The following KLHL2 variants were observed in gnomAD, a reference collection of about 807,000 sequenced individuals.
KLHL2 encodes kelch like family member 2.
Under a neutral mutation model 75.8 loss-of-function variants are expected in KLHL2, and 15 were observed. The ratio of observed to expected loss-of-function variants is 0.20; its 90% CI spans 0.13 to 0.30. The LOEUF (loss-of-function observed/expected upper bound fraction) is 0.30, where lower values mean the gene tolerates loss of function less well. Among genes scored for constraint, KLHL2 ranks in the 10% least tolerant of loss-of-function variants. The pLI, the probability that KLHL2 is intolerant of heterozygous loss-of-function variation, is 1.00. For synonymous variants in KLHL2, 214 were observed against 251.9 expected, an observed-to-expected ratio of 0.85 and a Z score of 1.42; for missense variants, 381 against 741.0, an observed-to-expected ratio of 0.51 and a Z score of 5.64.
intron 2 of KLHL2, among the ~76,000 whole-genome samples, chr4:165,228,449 C>G (rs1350433874): frequency 6.6e-6 from 1 of 151,294 alleles, no homozygotes; most frequent in African/African-American, 2.4e-5. Flanking sequence ...ATCTTCATGT[C>G]AGACTACACC....
At chr4:165,289,906 G>A (rs1334668803) in intron 5 of KLHL2, among the ~76,000 whole-genome samples, 1 of 152,144 alleles carries the variant, frequency 6.6e-6, no homozygotes, top group African/African-American at 2.4e-5. Flanking sequence ...CTCTTGCTTT[G>A]ATTCAGATTT....
Position 165,297,590 on chromosome 4 carries a change from C to A in KLHL2, c.655-19C>A. The A allele has an allele frequency of 7.0e-7, 1 of 1,421,766 alleles. No homozygotes were observed. Among genetic ancestry groups the A allele is most frequent in the Non-Finnish European group, 9.9e-7 (1 of 1,005,052 alleles). The allele number at this position is 1,421,766 out of a possible 1,614,324, so 88.1% of individuals were successfully genotyped here. A position where few individuals can be genotyped will look rare whatever the true frequency, so the allele number is the denominator to read the frequency against. On this transcript the variant is annotated intron_variant, in intron 6 of 14. Transcript: ENST00000226725. Reference sequence around the variant, plus strand: ...CACAACTCATTTCTTATTTTTTCTTCTCCTATATTTTCTGCAAGGTATTTG... The same window carrying A: ...CACAACTCATTTCTTATTTTTTCTTATCCTATATTTTCTGCAAGGTATTTG...
chr4:165,246,910 C>T (rs1354602192), intron 4 of KLHL2, among the ~76,000 whole-genome samples: 1 of 152,012 alleles, frequency 6.6e-6, no homozygotes, highest in Non-Finnish European at 1.5e-5. Context: ...AGAAAGCAAG[C>T]AAGCCAAAGA....
At chr4:165,264,748 A>ATATG (rs1742088216) in intron 5 of KLHL2, among the ~76,000 whole-genome samples, 1 of 76,068 alleles carries the variant, frequency 1.3e-5, no homozygotes, top group South Asian at 3.6e-4. Flanking sequence ...ATGTATATAT[A>ATATG]TATATATATA....
intron 14 of KLHL2, among the ~76,000 whole-genome samples, chr4:165,318,811 G>T (rs1746766070): frequency 2.0e-5 from 3 of 151,422 alleles, no homozygotes; most frequent in Admixed American, 2.0e-4. Context: ...TTGGAGATTG[G>T]TAACAGTTTG....
At chr4:165,309,211 T>C (rs1745960879) in intron 9 of KLHL2, among the ~76,000 whole-genome samples, 1 of 152,166 alleles carries the variant, frequency 6.6e-6, no homozygotes, top group African/African-American at 2.4e-5. Flanking sequence ...TTATTAAACC[T>C]GAAGTACACA....
intron 3 of KLHL2, among the ~76,000 whole-genome samples, chr4:165,233,536 T>C (rs1231681832): frequency 6.6e-6 from 1 of 152,182 alleles, no homozygotes; most frequent in Non-Finnish European, 1.5e-5. Context: ...CAGATTATTG[T>C]TTGAGTGACT....
intron 1 of KLHL2, among the ~76,000 whole-genome samples, chr4:165,214,755 CA>C (rs1737422149): frequency 6.6e-6 from 1 of 152,098 alleles, no homozygotes; most frequent in Admixed American, 6.6e-5. Flanking sequence ...TAAAGTTTGG[CA>C]ATTCAAGCTT....
intron 4 of KLHL2, among the ~76,000 whole-genome samples, chr4:165,245,444 GA>G (rs1330045021): frequency 1.3e-5 from 2 of 152,092 alleles, no homozygotes; most frequent in African/African-American, 4.8e-5. Flanking sequence ...GGCTAGTCTA[GA>G]AAGAGACTTG....
intron 14 of KLHL2, chr4:165,321,287 C>G: frequency 2.2e-6 from 1 of 456,146 alleles, no homozygotes; most frequent in Non-Finnish European, 4.4e-6. Context: ...CAAGACCAAC[C>G]TCTCCTCTTT....
chr4:165,298,708 G>A (rs1049684127), intron 7 of KLHL2, among the ~76,000 whole-genome samples: 4 of 152,060 alleles, frequency 2.6e-5, no homozygotes, highest in African/African-American at 9.7e-5. Flanking sequence ...TTAGGGAGGC[G>A]GAGGCAGGCA....
rs182529810 is a variant in KLHL2, at chr4:165,318,737, G to A, written c.1753+768G>A. Among the ~76,000 whole-genome samples the A allele has an allele frequency of 4.7e-3, 718 of 152,216 alleles. 6 individuals carry two copies. The highest frequency in any genetic ancestry group is 0.015 in the African/African-American group (606 of 41,542). ...TACAGTTGACCCTTGGACAACACAG[G>A]TTTGAACTGTGTATGTCCACTTACA... On this transcript the variant is annotated intron_variant, in intron 14 of 14. Transcript: ENST00000226725.
chr4:165,293,670 A>ATTT lies in KLHL2; in HGVS notation c.545-672_545-670dup, dbSNP rs35736944. On this transcript the variant is annotated intron_variant, in intron 5 of 14. Transcript: ENST00000226725. ...AGGTGTCCATCACCATGCCTGGCTA[A>ATTT]TTTTTTTTTTTTTTTTTTTGTATTT... is the stretch of plus-strand genomic sequence containing the variant. Among the ~76,000 whole-genome samples the ATTT allele has an allele frequency of 2.2e-3, 273 of 125,962 alleles. 4 individuals carry two copies. The highest frequency in any genetic ancestry group is 7.1e-3 in the African/African-American group (237 of 33,354). The allele number at this position is 125,962 out of a possible 152,430, so 82.6% of individuals were successfully genotyped here.
At chr4:165,225,408 C>T (rs1738352222) in intron 2 of KLHL2, among the ~76,000 whole-genome samples, 1 of 152,182 alleles carries the variant, frequency 6.6e-6, no homozygotes, top group African/African-American at 2.4e-5. Flanking sequence ...GGTAAGCTCA[C>T]ACAGTCCTTG....
rs1747032906 is a variant in KLHL2, at chr4:165,322,144, C to A, written c.*84C>A. 1.6e-6 allele frequency: 2 copies of A among 1,242,294 alleles called. No homozygotes were observed. The highest frequency in any genetic ancestry group is 1.2e-6 in the Non-Finnish European group (1 of 842,538). The allele number at this position is 1,242,294 out of a possible 1,614,324, so 77.0% of individuals were successfully genotyped here. A position where few individuals can be genotyped will look rare whatever the true frequency, so the allele number is the denominator to read the frequency against. On this transcript the variant is annotated 3_prime_UTR_variant, in exon 15 of 15. Coordinates refer to ENST00000226725, the MANE Select transcript of KLHL2 (RefSeq NM_007246.4). ...TGAAGTGACTGAGAATCTAGCACTT[C>A]TCCACTTGTAGCTGCACTTTAAGTC...
At chr4:165,313,527 A>G (rs1203894363) in intron 12 of KLHL2, among the ~76,000 whole-genome samples, 161 bp downstream of exon 12, 1 of 152,210 alleles carries the variant, frequency 6.6e-6, no homozygotes, top group Non-Finnish European at 1.5e-5. Flanking sequence ...TAATGGGAGT[A>G]ATTACAAAGT....
At chr4:165,303,414 C>A (rs115389776) in intron 8 of KLHL2, among the ~76,000 whole-genome samples, 2,078 of 148,154 alleles carry the variant, frequency 0.014, 41 homozygotes, top group African/African-American at 0.046. Context: ...GTCTCTTGGG[C>A]AGTTTTGAAG....
At chr4:165,299,320 T>C (rs1745169593) in intron 7 of KLHL2, among the ~76,000 whole-genome samples, 187 bp from the exon 8 acceptor site, 1 of 152,212 alleles carries the variant, frequency 6.6e-6, no homozygotes, top group Admixed American at 6.5e-5. Flanking sequence ...GCAGGCCAGA[T>C]ACTTGAGCAT....
At chr4:165,295,397 A>G (rs1470445115) in intron 6 of KLHL2, among the ~76,000 whole-genome samples, 4 of 152,238 alleles carry the variant, frequency 2.6e-5, no homozygotes, top group Admixed American at 2.6e-4. Flanking sequence ...TTAGCATCCT[A>G]GAAATACAGA....
Sources: allele counts gnomAD v4.1 joint callset (sites outside exome capture counted in the v4.1 genomes callset), GRCh38; gene constraint gnomAD v4.1.1; transcripts MANE v1.5; gene names NCBI Gene and HGNC (gene_info 2026-07-23, HGNC 2026-07-21).